Variants in ARHGEF28 observed in about 807,000 individuals in gnomAD.
ARHGEF28 encodes 190 kDa guanine nucleotide exchange factor.
A neutral mutation model predicts 206.6 loss-of-function variants in ARHGEF28; 152 were observed. The observed-to-expected ratio is 0.74, with a 90% CI of 0.64 to 0.84. The LOEUF is 0.84. Among genes scored for constraint, ARHGEF28 ranks in the 40% least tolerant of loss-of-function variants. The pLI is 0.00. For missense variants in ARHGEF28, 2,028 were observed against 2,073.2 expected (o/e 0.98, Z 0.42); for synonymous variants, 763 against 776.4 (o/e 0.98, Z 0.29).
At chr5:73,801,453 TA>T (rs1302209694) in intron 9 of ARHGEF28, among the ~76,000 whole-genome samples, 1 of 150,782 alleles carries the variant, frequency 6.6e-6, no homozygotes, top group Non-Finnish European at 1.5e-5. Flanking sequence ...TCTCAAAAAA[TA>T]AAAAAAATAA....
At chr5:73,888,941 C>T (rs1044406371) in intron 26 of ARHGEF28, among the ~76,000 whole-genome samples, 2 of 152,160 alleles carry the variant, frequency 1.3e-5, no homozygotes, top group South Asian at 2.1e-4. Context: ...GTTAACCTGA[C>T]ATGTAACTGC....
chr5:73,873,245 A>G lies in ARHGEF28; in HGVS notation c.2813A>G (p.Gln938Arg). The G allele has an allele frequency of 6.2e-7, 1 of 1,607,054 alleles. No individual in the cohort carries two copies. The highest frequency in any genetic ancestry group is 8.5e-7 in the Non-Finnish European group (1 of 1,175,492). ...IDRIGDILVQ[Q>R]FSEENASKMK... is the part of the protein sequence containing the mutation. Reference sequence around the variant, plus strand: ...CGAATTGGAGATATTTTGGTACAACAGGTAAGAAGAGCTTAAAGTCCTTGA... The same window carrying G: ...CGAATTGGAGATATTTTGGTACAACGGGTAAGAAGAGCTTAAAGTCCTTGA... Residue 938 changes from glutamine (Q) to arginine (R), a missense_variant and splice_region_variant, in exon 22 of 36, where the codon CAG becomes CGG. Coordinates refer to ENST00000513042, the MANE Select transcript of ARHGEF28 (RefSeq NM_001177693.2).
intron 9 of ARHGEF28, among the ~76,000 whole-genome samples, chr5:73,828,792 TCTTC>T (rs1561435919): frequency 6.6e-6 from 1 of 151,666 alleles, no homozygotes; most frequent in East Asian, 1.9e-4. Context: ...TCCTTTCCTT[TCTTC>T]CTTCCTTTCC....
At chr5:73,708,008 A>G (rs1198274685) in intron 2 of ARHGEF28, among the ~76,000 whole-genome samples, 1 of 152,072 alleles carries the variant, frequency 6.6e-6, no homozygotes, top group Non-Finnish European at 1.5e-5. Flanking sequence ...ATCATGATCT[A>G]CAATATATTT....
intron 2 of ARHGEF28, among the ~76,000 whole-genome samples, chr5:73,705,312 C>T (rs949589889): frequency 9.2e-5 from 14 of 152,314 alleles, no homozygotes; most frequent in East Asian, 3.9e-4. Context: ...CACCTCTTTG[C>T]GTTACACTCT....
Position 73,886,123 on chromosome 5 carries a change from A to C in ARHGEF28, c.3310+19A>C. The stretch of plus-strand genomic sequence containing the variant: ...TTCAAAGGTACTGTGGCTCTACCAG[A>C]CCAATTTCTCCCTTCATACACATTA... On this transcript the variant is annotated intron_variant, in intron 25 of 35. Transcript: ENST00000513042. The C allele has an allele frequency of 6.3e-7, 1 of 1,591,714 alleles. No homozygotes were observed.
chr5:73,869,575 T>C (rs978363627), intron 20 of ARHGEF28, among the ~76,000 whole-genome samples: 50 of 152,214 alleles, frequency 3.3e-4, no homozygotes, highest in African/African-American at 1.1e-3. Flanking sequence ...TCATGAAAGC[T>C]GTCTTAATTT....
chr5:73,822,992 T>C (rs1756688785), intron 9 of ARHGEF28, among the ~76,000 whole-genome samples: 1 of 152,190 alleles, frequency 6.6e-6, no homozygotes, highest in Admixed American at 6.5e-5. Flanking sequence ...ACTAAGACCA[T>C]TGGTGAAAAG....
At chr5:73,932,021 G>A (rs1358593433) in intron 35 of ARHGEF28, among the ~76,000 whole-genome samples, 1 of 152,162 alleles carries the variant, frequency 6.6e-6, no homozygotes, top group Non-Finnish European at 1.5e-5. Flanking sequence ...AACGTAAATG[G>A]TGAAGCTTTT....
intron 9 of ARHGEF28, among the ~76,000 whole-genome samples, chr5:73,806,152 T>C (rs1259024349): frequency 6.7e-6 from 1 of 149,978 alleles, no homozygotes; most frequent in Non-Finnish European, 1.5e-5. Flanking sequence ...AGTTACCTCA[T>C]AGTTAACTTA....
chr5:73,733,308 TTGAC>T (rs1243772365), intron 2 of ARHGEF28, among the ~76,000 whole-genome samples: 2 of 152,214 alleles, frequency 1.3e-5, no homozygotes, highest in Admixed American at 1.3e-4. Context: ...ATTATTACAT[TTGAC>T]TGTCACTAAA....
rs141718141 is a variant in ARHGEF28, at chr5:73,815,138, C to T, written c.1025-17200C>T. Among the ~76,000 whole-genome samples the T allele has an allele frequency of 3.0e-3, 452 of 151,196 alleles. 1 individual carries two copies. Among genetic ancestry groups the T allele is most frequent in the Admixed American group, 6.5e-3 (99 of 15,176 alleles). ...CCTGTGTATCTTTGGTGGATACAGT[C>T]GTATATTAAAAGGCCATGATATATG... On this transcript the variant is annotated intron_variant, in intron 9 of 35. Coordinates refer to ENST00000513042, the MANE Select transcript of ARHGEF28 (RefSeq NM_001177693.2).
At chr5:73,657,433 T>G (rs1745293638) in intron 1 of ARHGEF28, among the ~76,000 whole-genome samples, 1 of 152,242 alleles carries the variant, frequency 6.6e-6, no homozygotes. Context: ...TCCTTTCTGA[T>G]GCTTTGAGTT....
chr5:73,832,241 C>G, intron 9 of ARHGEF28, 97 bp from the exon 10 acceptor site: 1 of 1,405,466 alleles, frequency 7.1e-7, no homozygotes, highest in South Asian at 1.5e-5. Context: ...TTAAAAAATG[C>G]ACTTGACTTT....
intron 9 of ARHGEF28, among the ~76,000 whole-genome samples, chr5:73,811,396 G>C (rs1460681249): frequency 6.6e-6 from 1 of 152,176 alleles, no homozygotes; most frequent in Non-Finnish European, 1.5e-5. Context: ...CAAAATATGT[G>C]TTTTTAATCA....
intron 2 of ARHGEF28, among the ~76,000 whole-genome samples, chr5:73,704,141 T>C (rs1251938474): frequency 6.6e-6 from 1 of 151,930 alleles, no homozygotes; most frequent in Admixed American, 6.6e-5. Flanking sequence ...TGCTGGGAGG[T>C]CTATGCTTCT....
chr5:73,726,846 G>A (rs1285927515), intron 2 of ARHGEF28, among the ~76,000 whole-genome samples: 4 of 152,084 alleles, frequency 2.6e-5, no homozygotes, highest in Non-Finnish European at 2.9e-5. Context: ...TTGAGTGGTC[G>A]TAATCTAAAC....
intron 2 of ARHGEF28, among the ~76,000 whole-genome samples, chr5:73,715,859 T>C (rs569286107): frequency 6.6e-6 from 1 of 152,346 alleles, no homozygotes; most frequent in Non-Finnish European, 1.5e-5. Flanking sequence ...TGTCATTTCT[T>C]TGCATCTGGC....
chr5:73,877,640 T>TAAACCAACAAGAA (rs1760612308), intron 22 of ARHGEF28, among the ~76,000 whole-genome samples: 3 of 149,918 alleles, frequency 2.0e-5, no homozygotes, highest in Admixed American at 1.3e-4. Flanking sequence ...CTTGTTGGTT[T>TAAACCAACAAGAA]CAAAGAACAT....
Sources: gnomAD v4.1 joint callset for allele counts (sites outside exome capture counted in the v4.1 genomes callset) on GRCh38, gnomAD v4.1.1 for gene constraint, MANE v1.5 for transcripts, NCBI Gene and HGNC (gene_info 2026-07-23, HGNC 2026-07-21) for gene names.